Variants in BFAR observed in about 807,000 individuals in gnomAD.
The protein encoded by BFAR is RING finger protein 47.
BFAR carries 52 observed loss-of-function variants against 54.4 expected under a neutral mutation model. The observed-to-expected ratio is 0.96, with a 90% CI of 0.77 to 1.21. The LOEUF (loss-of-function observed/expected upper bound fraction) is 1.21. Among genes scored for constraint, BFAR ranks in the 50% most tolerant of loss-of-function variants. The pLI, the probability that BFAR is intolerant of heterozygous loss-of-function variation, is 0.00. For synonymous variants in BFAR, 215 were observed against 204.3 expected, an observed-to-expected ratio of 1.05 and a Z score of -0.45; for missense variants, 571 against 534.0, an observed-to-expected ratio of 1.07 and a Z score of -0.68.
intron 1 of BFAR, among the ~76,000 whole-genome samples, chr16:14,636,749 A>C (rs1034054197): frequency 7.2e-5 from 11 of 152,214 alleles, no homozygotes; most frequent in Admixed American, 2.0e-4. Flanking sequence ...ATTTCAGACT[A>C]TCACATGGGG....
intron 7 of BFAR, among the ~76,000 whole-genome samples, chr16:14,666,149 CT>C (rs1960435168): frequency 2.0e-5 from 3 of 152,294 alleles, no homozygotes; most frequent in South Asian, 4.1e-4. Context: ...TGGAAAAGGT[CT>C]CAGGGCTCAC....
intron 1 of BFAR, among the ~76,000 whole-genome samples, chr16:14,636,697 G>A (rs1051293171): frequency 3.3e-4 from 50 of 152,162 alleles, no homozygotes; most frequent in African/African-American, 1.1e-3. Context: ...TACGGGTGTC[G>A]GGCTGGGGGA....
intron 3 of BFAR, 109 bp from the exon 4 acceptor site, chr16:14,649,695 A>G (rs1421186459): frequency 2.1e-5 from 21 of 1,008,184 alleles, no homozygotes; most frequent in African/African-American, 9.7e-5. Flanking sequence ...CGGGCTCCGC[A>G]TCATTCCCTG....
At chr16:14,665,395 A>G (rs138498433) in intron 7 of BFAR, among the ~76,000 whole-genome samples, 59 of 152,334 alleles carry the variant, frequency 3.9e-4, no homozygotes, top group Non-Finnish European at 7.1e-4. Flanking sequence ...GTCTGTTTTA[A>G]GGTAGGCAGG....
chr16:14,648,753 C>G (rs545661186), intron 3 of BFAR, among the ~76,000 whole-genome samples, 161 bp downstream of exon 3: 1 of 152,120 alleles, frequency 6.6e-6, no homozygotes, highest in South Asian at 2.1e-4. Context: ...ATGATTTCCT[C>G]AGGAATGTTG....
intron 5 of BFAR, among the ~76,000 whole-genome samples, chr16:14,656,635 T>C (rs1226454738): frequency 1.3e-5 from 2 of 152,120 alleles, no homozygotes; most frequent in Non-Finnish European, 2.9e-5. Flanking sequence ...ATTGTGAGAC[T>C]CCAATGTTTG....
intron 5 of BFAR, among the ~76,000 whole-genome samples, chr16:14,661,458 G>C (rs1321877560): frequency 4.6e-5 from 6 of 130,814 alleles, no homozygotes. Flanking sequence ...CTGGAGTGCA[G>C]TGGTATGATC....
intron 1 of BFAR, among the ~76,000 whole-genome samples, chr16:14,638,846 G>A (rs1959533674): frequency 6.6e-6 from 1 of 152,014 alleles, no homozygotes; most frequent in African/African-American, 2.4e-5. Context: ...TCAGGAGGCT[G>A]AGGCATGAGA....
chr16:14,668,994 A>G lies in BFAR; in HGVS notation c.*1167A>G, dbSNP rs1960521946. ...TACACCAAGCGCTATAGTTATAAAT[A>G]TGGCATGAAGTGAACTATGGCCTTT... On this transcript the variant is annotated 3_prime_UTR_variant, in exon 8 of 8. Transcript: ENST00000261658. 1 of 447,466 alleles carries G rather than the reference A, an allele frequency of 2.2e-6. No individual in the cohort carries two copies. The highest frequency in any genetic ancestry group is 4.5e-6 in the Non-Finnish European group (1 of 222,636). The allele number at this position is 447,466 out of a possible 1,614,324, so 27.7% of individuals were successfully genotyped here.
chr16:14,648,320 T>A, intron 2 of BFAR, 68 bp from the exon 3 acceptor site: 1 of 1,262,174 alleles, frequency 7.9e-7, no homozygotes, highest in South Asian at 1.3e-5. Context: ...CTATCAGGGC[T>A]TTTTTGGCCT....
At position 14,669,111 on chromosome 16, in the gene BFAR, G is replaced by T. The variant is rs766235418; in HGVS notation, c.*1284G>T. 1 of 450,980 alleles carries T rather than the reference G, an allele frequency of 2.2e-6. No homozygotes were observed. Among genetic ancestry groups the T allele is most frequent in the Non-Finnish European group, 4.5e-6 (1 of 224,084 alleles). 27.9% of individuals were successfully genotyped at this position (450,980 alleles called of 1,614,324 possible). The stretch of plus-strand genomic sequence containing the variant: ...AGGCCTACATCCAAAATATTATCTT[G>T]TGACTCCATGAACCATTCATTAACC... On this transcript the variant is annotated 3_prime_UTR_variant, in exon 8 of 8. Transcript: ENST00000261658.
chr16:14,646,392 T>G (rs192490849), intron 2 of BFAR, among the ~76,000 whole-genome samples: 1 of 152,234 alleles, frequency 6.6e-6, no homozygotes, highest in African/African-American at 2.4e-5. Context: ...TTCACAGTTT[T>G]GGCCAGGCTG....
chr16:14,668,826 ACT>A lies in BFAR; in HGVS notation c.*1002_*1003del, dbSNP rs930472251. 4.5e-5 allele frequency: 8 copies of A among 177,822 alleles called. No individual in the cohort carries two copies. The highest frequency in any genetic ancestry group is 9.6e-5 in the Non-Finnish European group (8 of 83,108). 11.0% of individuals were successfully genotyped at this position (177,822 alleles called of 1,614,324 possible). A position where few individuals can be genotyped will look rare whatever the true frequency, so the allele number is the denominator to read the frequency against. On this transcript the variant is annotated 3_prime_UTR_variant, in exon 8 of 8. Transcript: ENST00000261658. ...ACTTCAGCCTGGGTGACAGAGGGAG[ACT>A]CTGTCTTAAAAAAAAAAAAAAAATC...
chr16:14,660,849 C>T (rs1213752674), intron 5 of BFAR, among the ~76,000 whole-genome samples: 1 of 151,626 alleles, frequency 6.6e-6, no homozygotes, highest in East Asian at 2.0e-4. Context: ...TGCAGTGAGC[C>T]AAAAATGCAC....
At chr16:14,661,817 A>C in intron 5 of BFAR, 75 bp from the exon 6 acceptor site, 4 of 1,519,066 alleles carry the variant, frequency 2.6e-6, no homozygotes, top group African/African-American at 1.4e-5. Context: ...GCAACAAGCG[A>C]GAGATGGGAA....
intron 2 of BFAR, 61 bp from the exon 3 acceptor site, chr16:14,648,327 G>T: frequency 7.4e-7 from 1 of 1,346,272 alleles, no homozygotes. Context: ...GGCTTTTTTG[G>T]CCTCTAAACA....
intron 1 of BFAR, among the ~76,000 whole-genome samples, chr16:14,638,068 T>C (rs1465186814): frequency 2.0e-5 from 3 of 152,198 alleles, no homozygotes; most frequent in Non-Finnish European, 4.4e-5. Context: ...AAAATCTTTC[T>C]ATTCTTACAC....
At chr16:14,650,279 A>G (rs1233105842) in intron 4 of BFAR, 4 of 230,580 alleles carry the variant, frequency 1.7e-5, no homozygotes, top group African/African-American at 6.7e-5. Flanking sequence ...ACAATGAGCC[A>G]AGATCATGCC....
At chr16:14,659,010 C>G (rs770786318) in intron 5 of BFAR, among the ~76,000 whole-genome samples, 1 of 151,588 alleles carries the variant, frequency 6.6e-6, no homozygotes, top group African/African-American at 2.4e-5. Context: ...CAGGTTCGAG[C>G]GATTCCCCTG....
Sources: allele counts gnomAD v4.1 joint callset (sites outside exome capture counted in the v4.1 genomes callset), GRCh38; gene constraint gnomAD v4.1.1; transcripts MANE v1.5; gene names NCBI Gene and HGNC (gene_info 2026-07-23, HGNC 2026-07-21).